MYH11: variants seen among roughly 807,000 people sequenced by gnomAD.
MYH11 encodes the protein myosin-11.
Under a neutral mutation model 246.6 loss-of-function variants are expected in MYH11, and 80 were observed. The observed-to-expected ratio is 0.32, with a 90% CI of 0.27 to 0.39. The LOEUF is 0.39. Among genes scored for constraint, MYH11 ranks in the 10% least tolerant of loss-of-function variants. The pLI, the probability that MYH11 is intolerant of heterozygous loss-of-function variation, is 1.00. For missense variants in MYH11, 2,158 were observed against 2,546.8 expected (o/e 0.85, Z 3.29); for synonymous variants, 1,071 against 1,015.5 (o/e 1.05, Z -1.04).
intron 4 of MYH11, among the ~76,000 whole-genome samples, chr16:15,787,045 G>A (rs2042486442): frequency 6.6e-6 from 1 of 152,196 alleles, no homozygotes; most frequent in Non-Finnish European, 1.5e-5. Flanking sequence ...GCTGAGGTGG[G>A]AGGATCATTT....
At chr16:15,825,417 C>T (rs1461838332) in intron 2 of MYH11, among the ~76,000 whole-genome samples, 1 of 150,702 alleles carries the variant, frequency 6.6e-6, no homozygotes, top group African/African-American at 2.5e-5. Flanking sequence ...AATAGCTGGC[C>T]ATGGTGGTGA....
intron 9 of MYH11, among the ~76,000 whole-genome samples, chr16:15,766,505 G>A (rs2041987518): frequency 6.6e-6 from 1 of 152,018 alleles, no homozygotes; most frequent in African/African-American, 2.4e-5. Context: ...CAGAGTAGCT[G>A]GGATTACAGG....
chr16:15,736,576 G>C (rs1303039543), intron 25 of MYH11, among the ~76,000 whole-genome samples: 1 of 152,174 alleles, frequency 6.6e-6, no homozygotes, highest in Non-Finnish European at 1.5e-5. Flanking sequence ...ACTGCATCCA[G>C]CCAGCAAAGT....
intron 2 of MYH11, among the ~76,000 whole-genome samples, chr16:15,826,678 C>A (rs1056246536): frequency 1.3e-5 from 2 of 151,864 alleles, no homozygotes; most frequent in Non-Finnish European, 2.9e-5. Context: ...TCTGGGGGTG[C>A]TGCAGAGGAA....
intron 20 of MYH11, among the ~76,000 whole-genome samples, chr16:15,743,722 T>C (rs2041339792): frequency 6.6e-6 from 1 of 152,228 alleles, no homozygotes. Context: ...AGAATATTCA[T>C]GGAGGTCAGG....
chr16:15,760,388 G>A (rs374890060), intron 11 of MYH11, 152 bp downstream of exon 11: 22 of 741,842 alleles, frequency 3.0e-5, no homozygotes, highest in East Asian at 2.3e-4. Context: ...ACAGATGAAT[G>A]AGTGGGTAGA....
intron 16 of MYH11, 195 bp downstream of exon 16, chr16:15,749,941 GAA>G (rs773170222): frequency 2.7e-4 from 182 of 668,038 alleles, no homozygotes; most frequent in Non-Finnish European, 4.2e-4. Flanking sequence ...CTCCACAACT[GAA>G]AAGTCTCTGG....
chr16:15,748,583 C>T (rs1177389722), intron 16 of MYH11, among the ~76,000 whole-genome samples: 1 of 152,154 alleles, frequency 6.6e-6, no homozygotes. Context: ...CACCTGGTCT[C>T]TCTCTCTGGT....
chr16:15,777,577 G>A (rs1404533112), intron 7 of MYH11, among the ~76,000 whole-genome samples: 1 of 152,192 alleles, frequency 6.6e-6, no homozygotes, highest in East Asian at 1.9e-4. Context: ...GCTGAGAGGT[G>A]TGTGCAGGGC....
At chr16:15,733,794 C>T (rs576172090) in intron 26 of MYH11, among the ~76,000 whole-genome samples, 3 of 152,268 alleles carry the variant, frequency 2.0e-5, no homozygotes, top group African/African-American at 7.2e-5. Context: ...CTGTCTGCTT[C>T]AGCCTCCCAA....
intron 22 of MYH11, chr16:15,741,222 G>T: frequency 1.6e-6 from 1 of 610,224 alleles, no homozygotes; most frequent in Non-Finnish European, 2.9e-6. Flanking sequence ...CTCCATTCAG[G>T]CTTGCTGTTA....
intron 40 of MYH11, among the ~76,000 whole-genome samples, chr16:15,705,548 T>C (rs1196944606): frequency 6.6e-6 from 1 of 152,212 alleles, no homozygotes; most frequent in Non-Finnish European, 1.5e-5. Flanking sequence ...GCTCTGGCCA[T>C]CTGGCCCTGT....
At chr16:15,763,741 T>TCGGGCCCC in intron 10 of MYH11, 55 bp downstream of exon 10, 13 of 646,842 alleles carry the variant, frequency 2.0e-5, no homozygotes, top group Non-Finnish European at 2.3e-5. Context: ...AAATGTCACC[T>TCGGGCCCC]CCCCCACCCC....
chr16:15,798,614 AAAAAAAAAAC>A lies in MYH11; in HGVS notation c.530+36_530+45del, dbSNP rs763930497. 6.3e-5 allele frequency: 97 copies of A among 1,533,474 alleles called. No individual in the cohort carries two copies. In the South Asian group the frequency reaches 7.7e-4, roughly 12 times the overall value. 95.0% of individuals were successfully genotyped at this position (1,533,474 alleles called of 1,614,324 possible). ...TTGGATCTCGACTACAGATTAAAAA[AAAAAAAAAAC>A]AAAAAAAAAACAGAAGAAAAAGCAG... On this transcript the variant is annotated intron_variant, in intron 4 of 40. Transcript: ENST00000300036.
chr16:15,798,372 G>C (rs761041582), intron 4 of MYH11, among the ~76,000 whole-genome samples: 4 of 152,166 alleles, frequency 2.6e-5, no homozygotes, highest in Non-Finnish European at 4.4e-5. Flanking sequence ...CTGGCACAGA[G>C]TACATGTTCA....
At position 15,759,693 on chromosome 16, in the gene MYH11, T is replaced by C. The variant is rs767856934; in HGVS notation, c.1284A>G (p.Thr428=). 5.6e-6 allele frequency: 9 copies of C among 1,614,080 alleles called. No individual in the cohort carries two copies. The highest frequency in any genetic ancestry group is 6.8e-6 in the Non-Finnish European group (8 of 1,180,036). The change falls in exon 12 of 41, where the codon ACA becomes ACG. Residue 428 remains threonine (T), a synonymous_variant. Coordinates refer to ENST00000300036, the MANE Select transcript of MYH11 (RefSeq NM_002474.3). ...DFAVEALAKA[T]YERLFRWILT... is the part of the protein sequence containing the mutation. Reference sequence around the variant, plus strand: ...GTATCCAGCGGAAAAGGCGCTCATATGTTGCCTTGGCCAAAGCCTCTACAG... The same window carrying C: ...GTATCCAGCGGAAAAGGCGCTCATACGTTGCCTTGGCCAAAGCCTCTACAG...
intron 1 of MYH11, among the ~76,000 whole-genome samples, chr16:15,843,950 T>C (rs2044122380): frequency 6.6e-6 from 1 of 152,090 alleles, no homozygotes; most frequent in South Asian, 2.1e-4. Flanking sequence ...GTGGAATTTT[T>C]AAGGGATGGG....
Position 15,850,076 on chromosome 16 carries a change from G to A in MYH11, c.-18+6865C>T, listed in dbSNP as rs147100563. Among the ~76,000 whole-genome samples, 679 of 152,314 alleles carry A rather than the reference G, an allele frequency of 4.5e-3. 6 individuals are homozygous for A. The highest frequency in any genetic ancestry group is 0.015 in the African/African-American group (627 of 41,574). ...AGGGGCAAAAGATCTTGCCCTCTCT[G>A]CTTCAGCATTAATAAAAAGTAAATT... On this transcript the variant is annotated intron_variant, in intron 1 of 40. Coordinates refer to ENST00000300036, the MANE Select transcript of MYH11 (RefSeq NM_002474.3).
intron 2 of MYH11, among the ~76,000 whole-genome samples, chr16:15,828,811 G>A (rs1488736266): frequency 6.9e-6 from 1 of 144,690 alleles, no homozygotes; most frequent in Non-Finnish European, 1.5e-5. Flanking sequence ...AAAGAAGGAA[G>A]GAAGGAAGGA....
Sources: allele counts gnomAD v4.1 joint callset (sites outside exome capture counted in the v4.1 genomes callset), GRCh38; gene constraint gnomAD v4.1.1; transcripts MANE v1.5; gene names NCBI Gene and HGNC (gene_info 2026-07-23, HGNC 2026-07-21).